ICE2: variants seen among roughly 807,000 people sequenced by gnomAD.
ICE2 encodes the protein interactor of little elongation complex ELL subunit 2.
ICE2 carries 87 observed loss-of-function variants against 105.4 expected under a neutral mutation model. The observed-to-expected ratio is 0.83, with a 90% CI of 0.69 to 0.99. ICE2 has a LOEUF of 0.99. Ranked by LOEUF, ICE2 falls within the 50% of genes least tolerant of loss-of-function variation. ICE2 has a pLI of 0.00. For synonymous variants in ICE2, 399 were observed against 392.0 expected (o/e 1.02, Z -0.21); for missense variants, 1,323 against 1,146.7 (o/e 1.15, Z -2.22).
intron 9 of ICE2, chr15:60,451,481 C>T (rs1242498308): frequency 2.0e-6 from 2 of 984,534 alleles, no homozygotes; most frequent in African/African-American, 3.5e-5. Context: ...AATTTAAAAA[C>T]ATTCCAAATT....
chr15:60,420,542 A>C lies in ICE2; in HGVS notation c.*3092T>G, dbSNP rs1402779591. On this transcript the variant is annotated 3_prime_UTR_variant, in exon 16 of 16. Coordinates refer to ENST00000261520, the MANE Select transcript of ICE2 (RefSeq NM_024611.6). ...TCCCACATTGCACAGGACAAAGTTC[A>C]AATGTCTTAGCACAGTGTTTCTGTC... 2.6e-5 allele frequency: 4 copies of C among 152,234 alleles called. No homozygotes were observed. The highest frequency in any genetic ancestry group is 4.4e-5 in the Non-Finnish European group (3 of 68,056). The allele number at this position is 152,234 out of a possible 1,614,324, so 9.4% of individuals were successfully genotyped here.
At chr15:60,431,903 T>C (rs1338235139) in intron 14 of ICE2, 31 bp downstream of exon 14, 10 of 1,167,770 alleles carry the variant, frequency 8.6e-6, no homozygotes, top group Non-Finnish European at 1.3e-5. Flanking sequence ...AAATCAGATG[T>C]ATCAAAGCAA....
At chr15:60,478,610 C>T (rs1158397400) in intron 1 of ICE2, 2 of 314,138 alleles carry the variant, frequency 6.4e-6, no homozygotes, top group African/African-American at 4.5e-5. Context: ...CTCTCATGTT[C>T]AGTACTTCTC....
intron 5 of ICE2, among the ~76,000 whole-genome samples, chr15:60,458,809 A>T (rs1467421558): frequency 6.6e-6 from 1 of 152,160 alleles, no homozygotes; most frequent in East Asian, 1.9e-4. Flanking sequence ...ACATGCTACT[A>T]CTTGGACAAA....
At position 60,437,031 on chromosome 15, in the gene ICE2, T is replaced by C. The variant is rs538074948; in HGVS notation, c.2426-804A>G. On this transcript the variant is annotated intron_variant, in intron 12 of 15. Transcript: ENST00000261520. Reference sequence around the variant, plus strand: ...ACTTTGGGAGGCCGAGGCGGGCAGATCACCTGAGGTCAGGAGTTCAAGACC... The same window carrying C: ...ACTTTGGGAGGCCGAGGCGGGCAGACCACCTGAGGTCAGGAGTTCAAGACC... Among the ~76,000 whole-genome samples, 4 of 152,088 alleles carry C rather than the reference T, an allele frequency of 2.6e-5. No homozygotes were observed. In the East Asian group the frequency reaches 7.8e-4, roughly 30 times the overall value.
rs761375300 is a variant in ICE2 at position 60,477,902 on chromosome 15, CCT to C, written c.41+33_41+34del. 408 of 1,577,542 alleles carry C rather than the reference CCT, an allele frequency of 2.6e-4. 1 individual carries two copies. The Middle Eastern group carries it at 9.7e-3, about 37-fold the overall frequency. ...TGTCAACCATCAGCCCCACTACACT[CCT>C]CTTCAGTGGATTACAAAGTGGCTAC... On this transcript the variant is annotated intron_variant, in intron 2 of 15. Transcript: ENST00000261520.
At chr15:60,443,504 G>GT (rs35285414) in intron 11 of ICE2, among the ~76,000 whole-genome samples, 12,666 of 152,244 alleles carry the variant, frequency 0.083, 703 homozygotes, top group Middle Eastern at 0.17. Flanking sequence ...CTTATCAACA[G>GT]TAAGTGCTGT....
rs2063470425 is a variant in ICE2, at chr15:60,431,993, CAA to C, written c.2511-11_2511-10del. On this transcript the variant is annotated splice_polypyrimidine_tract_variant and intron_variant, in intron 13 of 15. Transcript: ENST00000261520. ...TAAATAAATTGGAAATCCTGATAAA[CAA>C]AAGAAATTCATGTAAAATTAAACTG... 1 of 1,378,948 alleles carries C rather than the reference CAA, an allele frequency of 7.3e-7. No individual in the cohort carries two copies. The highest frequency in any genetic ancestry group is 1.8e-5 in the Admixed American group (1 of 54,598). 85.4% of individuals were successfully genotyped at this position (1,378,948 alleles called of 1,614,324 possible).
At chr15:60,473,749 A>T (rs191485999) in intron 3 of ICE2, among the ~76,000 whole-genome samples, 1 of 152,178 alleles carries the variant, frequency 6.6e-6, no homozygotes, top group East Asian at 1.9e-4. Context: ...TACAAGTTGA[A>T]TAACAAATAG....
chr15:60,462,135 T>C (rs1032426215), intron 5 of ICE2, among the ~76,000 whole-genome samples: 44 of 152,290 alleles, frequency 2.9e-4, no homozygotes, highest in African/African-American at 1.0e-3. Flanking sequence ...GTAAGCTACA[T>C]GAACTGGGAA....
At chr15:60,438,830 A>G (rs1416814215) in intron 12 of ICE2, 14 of 152,238 alleles carry the variant, frequency 9.2e-5, no homozygotes, top group Admixed American at 9.2e-4. Context: ...CAGGCAGCTC[A>G]GCAATGCTTG....
intron 1 of ICE2, 81 bp from the exon 2 acceptor site, chr15:60,478,150 T>C: frequency 1.6e-6 from 1 of 636,348 alleles, no homozygotes; most frequent in East Asian, 2.7e-5. Flanking sequence ...AATCTCTCCC[T>C]AAACATCTAC....
chr15:60,449,007 CA>C lies in ICE2; in HGVS notation c.1959del (p.Asp653GlufsTer4). On this transcript the variant is annotated frameshift_variant, in exon 10 of 16. Coordinates refer to ENST00000261520, the MANE Select transcript of ICE2 (RefSeq NM_024611.6). LOFTEE classifies it high-confidence loss of function. ...DPVGEILKMQDELLKPISRKV... is the reference protein window; with the variant it reads ...DPVGEILKMQXELLKPISRKV... The stretch of plus-strand genomic sequence containing the variant: ...TTTCTGGAAATTGGCTTTAAGAGCT[CA>C]TCCTGCATTTTTAAAATCTCTCCAA... The C allele has an allele frequency of 6.2e-7, 1 of 1,613,816 alleles. No individual in the cohort carries two copies. The highest frequency in any genetic ancestry group is 1.1e-5 in the South Asian group (1 of 91,050).
In ICE2 at chr15:60,449,476, A is replaced by T. The variant is rs1374082226; in HGVS notation, c.1491T>A (p.Asn497Lys). The change falls in exon 10 of 16, where the codon AAT (asparagine) becomes AAA (lysine). Residue 497 changes from asparagine (N) to lysine (K), a missense_variant. Transcript: ENST00000261520. ...QGFESCEKVS[N>K]SDKPLIQDSD... ...TATCTTGTATCAAAGGCTTGTCAGA[A>T]TTTGATACCTTTTCACATGATTCAA... 3.7e-6 allele frequency: 6 copies of T among 1,613,984 alleles called. No individual in the cohort carries two copies. In the South Asian group the frequency reaches 6.6e-5, roughly 18 times the overall value.
chr15:60,429,208 T>C (rs901902938), intron 14 of ICE2, among the ~76,000 whole-genome samples: 1 of 152,222 alleles, frequency 6.6e-6, no homozygotes, highest in Non-Finnish European at 1.5e-5. Context: ...ACAGAAACAA[T>C]AGCAGCTAGC....
At chr15:60,432,080 C>A in intron 13 of ICE2, 96 bp from the exon 14 acceptor site, 2 of 570,500 alleles carry the variant, frequency 3.5e-6, no homozygotes, top group Non-Finnish European at 6.3e-6. Context: ...TCAATAACAA[C>A]AACAAAAACA....
chr15:60,446,349 G>C (rs1052297414), intron 11 of ICE2, among the ~76,000 whole-genome samples: 3 of 152,156 alleles, frequency 2.0e-5, no homozygotes, highest in African/African-American at 7.2e-5. Context: ...TATCATAGTA[G>C]TCAAACCCTC....
chr15:60,465,876 T>TGA (rs1366241764), intron 5 of ICE2, among the ~76,000 whole-genome samples: 1 of 151,362 alleles, frequency 6.6e-6, no homozygotes, highest in Non-Finnish European at 1.5e-5. Flanking sequence ...CTCAGTCTCC[T>TGA]GAGTAGCTGG....
intron 3 of ICE2, among the ~76,000 whole-genome samples, chr15:60,474,042 C>G (rs2064684511): frequency 6.6e-6 from 1 of 152,070 alleles, no homozygotes; most frequent in Admixed American, 6.6e-5. Flanking sequence ...CTAAGTAAGA[C>G]TATAGGTATG....
Sources: gnomAD v4.1 joint callset for allele counts (sites outside exome capture counted in the v4.1 genomes callset) on GRCh38, gnomAD v4.1.1 for gene constraint, MANE v1.5 for transcripts, NCBI Gene and HGNC (gene_info 2026-07-23, HGNC 2026-07-21) for gene names.